The following MYO7B variants were observed in gnomAD, a reference collection of about 807,000 sequenced individuals.
The protein encoded by MYO7B is myosin VIIB, also known as unconventional myosin-VIIb.
A neutral mutation model predicts 259.7 loss-of-function variants in MYO7B; 212 were observed. The observed-to-expected ratio is 0.82, with a 90% CI of 0.73 to 0.91. The LOEUF (loss-of-function observed/expected upper bound fraction) is 0.91, where lower values mean the gene tolerates loss of function less well. MYO7B is among the 40% of genes least tolerant of loss of function. The pLI is 0.00. For missense variants in MYO7B, 2,732 were observed against 2,813.5 expected (o/e 0.97, Z 0.66); for synonymous variants, 1,197 against 1,166.4 (o/e 1.03, Z -0.54).
intron 30 of MYO7B, among the ~76,000 whole-genome samples, chr2:127,624,976 C>T (rs72843378): frequency 6.6e-6 from 1 of 152,320 alleles, no homozygotes; most frequent in Non-Finnish European, 1.5e-5. Context: ...TTTGGTCTTC[C>T]AGAGGGAAGG....
In MYO7B at chr2:127,623,150, T is replaced by G. The variant is rs909053219; in HGVS notation, c.3646-52T>G. ...GGAGGTAGTGGATGGGGGGTTGGCC[T>G]CCTGTCCATAGGTTCCAAGAGGCCA... is the stretch of plus-strand genomic sequence containing the variant. On this transcript the variant is annotated intron_variant, in intron 28 of 47. Transcript: ENST00000409816. 7.4e-5 allele frequency: 118 copies of G among 1,601,066 alleles called. No homozygotes were observed. The Admixed American group carries it at 1.9e-3, about 26-fold the overall frequency.
Position 127,615,719 on chromosome 2 carries a change from T to C in MYO7B, c.3398+3116T>C, listed in dbSNP as rs534970991. 6.6e-6 allele frequency among the ~76,000 whole-genome samples: 1 copy of C among 152,156 alleles called. No individual in the cohort carries two copies. The highest frequency in any genetic ancestry group is 2.4e-5 in the African/African-American group (1 of 41,508). ...GAGAACAGTTTGCTGTTTGCTCATATAGCCTCCAGTGGTATACTAGATCAC... is the reference window on the plus strand; with the variant it reads ...GAGAACAGTTTGCTGTTTGCTCATACAGCCTCCAGTGGTATACTAGATCAC... On this transcript the variant is annotated intron_variant, in intron 26 of 47. Coordinates refer to ENST00000409816, the MANE Select transcript of MYO7B (RefSeq NM_001393586.1). This position sits in a 1 kb window ranked among gnomAD's most constrained non-coding sequence, Gnocchi z 4.4.
intron 26 of MYO7B, 148 bp from the exon 27 acceptor site, chr2:127,620,189 AGAG>A (rs1680772432): frequency 3.6e-6 from 3 of 839,212 alleles, no homozygotes; most frequent in African/African-American, 1.7e-5. Context: ...CTGTCCTGAG[AGAG>A]GAGGAGGCTG....
At chr2:127,625,677 T>TA (rs1354784766) in intron 31 of MYO7B, 142 bp downstream of exon 31, 5 of 954,238 alleles carry the variant, frequency 5.2e-6, no homozygotes, top group Non-Finnish European at 7.3e-6. Context: ...GACAGTTAAG[T>TA]AGAGCCCTGT....
At chr2:127,637,067 C>T (rs1290148079) in intron 47 of MYO7B, 154 bp downstream of exon 47, 1 of 1,329,606 alleles carries the variant, frequency 7.5e-7, no homozygotes. Flanking sequence ...CTGGGTGCAT[C>T]CCCAGGACCA....
intron 24 of MYO7B, among the ~76,000 whole-genome samples, chr2:127,610,721 G>T (rs1235932081): frequency 6.6e-6 from 1 of 152,224 alleles, no homozygotes; most frequent in African/African-American, 2.4e-5. Flanking sequence ...CATGTGCCAG[G>T]TAACCAGCTG....
rs1316730222 is a variant in MYO7B at position 127,636,168 on chromosome 2, T to C, written c.6007-40T>C. Reference sequence around the variant, plus strand: ...GCCCCCACCAGGGCTTTGGAGGGCCTCTGGGCACCCAAGTCCTTACTGGCC... The same window carrying C: ...GCCCCCACCAGGGCTTTGGAGGGCCCCTGGGCACCCAAGTCCTTACTGGCC... On this transcript the variant is annotated intron_variant, in intron 44 of 47. Coordinates refer to ENST00000409816, the MANE Select transcript of MYO7B (RefSeq NM_001393586.1). This position sits in a 1 kb window ranked among gnomAD's most constrained non-coding sequence, Gnocchi z 4.5. 2 of 1,540,804 alleles carry C rather than the reference T, an allele frequency of 1.3e-6. No homozygotes were observed. The highest frequency in any genetic ancestry group is 1.4e-5 in the African/African-American group (1 of 73,362).
At chr2:127,632,454 G>C in intron 39 of MYO7B, 53 bp downstream of exon 39, 1 of 1,492,468 alleles carries the variant, frequency 6.7e-7, no homozygotes, top group South Asian at 1.4e-5. Context: ...GCAGACCTGG[G>C]ATGCTGTGGG....
In MYO7B at chr2:127,559,653, T is replaced by C. The variant is rs908879058; in HGVS notation, c.-23-47T>C. ...AGCTCCTGTGCTCCAGGGGCTCCTA[T>C]TGGGGCTGTGTATGGAGCTGACGTT... is the stretch of plus-strand genomic sequence containing the variant. On this transcript the variant is annotated intron_variant, in intron 1 of 47. Transcript: ENST00000409816. The surrounding 1 kb of genome is among the most constrained non-coding windows in gnomAD (Gnocchi z 4.1). The C allele has an allele frequency of 5.3e-5, 83 of 1,579,110 alleles. No individual in the cohort carries two copies. Among genetic ancestry groups the C allele is most frequent in the Middle Eastern group, 3.4e-4 (2 of 5,954 alleles).
chr2:127,629,831 C>G lies in MYO7B; in HGVS notation c.4806+5C>G. 1 of 1,550,880 alleles carries G rather than the reference C, an allele frequency of 6.4e-7. No homozygotes were observed. Among genetic ancestry groups the G allele is most frequent in the South Asian group, 1.2e-5 (1 of 81,788 alleles). ...AAGCCCTCGGCACAGCTGCTGGTAA[C>G]TGGCACGCTCCCCTGTCCTCAGCCT... is the stretch of plus-strand genomic sequence containing the variant. On this transcript the variant is annotated splice_donor_5th_base_variant and intron_variant, in intron 35 of 47. Coordinates refer to ENST00000409816, the MANE Select transcript of MYO7B (RefSeq NM_001393586.1).
At position 127,566,991 on chromosome 2, in the gene MYO7B, C is replaced by T. The variant is rs112865525; in HGVS notation, c.470+164C>T. ...GTTACCCTGCACCCCGAGCAGTTCC[C>T]CCAAAGCTTCCTTCCTTCAGAACCT... On this transcript the variant is annotated intron_variant, in intron 5 of 47. Coordinates refer to ENST00000409816, the MANE Select transcript of MYO7B (RefSeq NM_001393586.1). Among the ~76,000 whole-genome samples the T allele has an allele frequency of 4.1e-3, 617 of 152,302 alleles. 4 individuals carry two copies. Among genetic ancestry groups the T allele is most frequent in the African/African-American group, 0.014 (568 of 41,556 alleles).
intron 27 of MYO7B, among the ~76,000 whole-genome samples, chr2:127,621,326 C>T (rs949663346): frequency 2.1e-5 from 3 of 144,232 alleles, no homozygotes; most frequent in South Asian, 4.4e-4. Flanking sequence ...TGCAGTGGAG[C>T]GATCTTGGTT....
intron 19 of MYO7B, among the ~76,000 whole-genome samples, chr2:127,604,197 T>G (rs2105014465): frequency 6.6e-6 from 1 of 152,374 alleles, no homozygotes; most frequent in Middle Eastern, 3.4e-3. Context: ...AGCTAGATCT[T>G]CTGGATAACT....
intron 6 of MYO7B, among the ~76,000 whole-genome samples, chr2:127,570,145 A>G (rs1573634785): frequency 6.6e-6 from 1 of 152,194 alleles, no homozygotes; most frequent in East Asian, 1.9e-4. Context: ...ACGGGATTGT[A>G]AGGAATATTC....
At chr2:127,623,602 GC>G (rs1297307304) in intron 29 of MYO7B, among the ~76,000 whole-genome samples, 1 of 152,090 alleles carries the variant, frequency 6.6e-6, no homozygotes, top group Admixed American at 6.5e-5. Flanking sequence ...CTGCGCCTCA[GC>G]CCCAGCAGTG....
At position 127,577,412 on chromosome 2, in the gene MYO7B, T is replaced by C. The variant is rs964588850; in HGVS notation, c.849+704T>C. 6.6e-6 allele frequency among the ~76,000 whole-genome samples: 1 copy of C among 152,188 alleles called. No individual in the cohort carries two copies. The highest frequency in any genetic ancestry group is 1.5e-5 in the Non-Finnish European group (1 of 68,026). On this transcript the variant is annotated intron_variant, in intron 8 of 47. Coordinates refer to ENST00000409816, the MANE Select transcript of MYO7B (RefSeq NM_001393586.1). The surrounding 1 kb of genome is among the most constrained non-coding windows in gnomAD (Gnocchi z 5.2). ...TCCTGTAGGAAGGTTTGCACTGTAGTGTCATGCTTTGGATGGCACTGCTGC... is the reference window on the plus strand; with the variant it reads ...TCCTGTAGGAAGGTTTGCACTGTAGCGTCATGCTTTGGATGGCACTGCTGC...
intron 1 of MYO7B, among the ~76,000 whole-genome samples, chr2:127,544,431 C>T (rs184137250): frequency 9.9e-5 from 15 of 150,982 alleles, no homozygotes; most frequent in South Asian, 4.2e-4. Flanking sequence ...TTTTTTGAGA[C>T]GGAGTCTCAC....
chr2:127,538,900 TCACCTACCA>T (rs1692896924), intron 1 of MYO7B, among the ~76,000 whole-genome samples: 1 of 152,192 alleles, frequency 6.6e-6, no homozygotes, highest in Non-Finnish European at 1.5e-5. Context: ...CTTGACTCAG[TCACCTACCA>T]AATGTGGGGC....
Position 127,620,685 on chromosome 2 carries a change from G to T in MYO7B, c.3525+219G>T, listed in dbSNP as rs566707827. Among the ~76,000 whole-genome samples, 389 of 152,338 alleles carry T rather than the reference G, an allele frequency of 2.6e-3. 1 individual carries two copies. Among genetic ancestry groups the T allele is most frequent in the Non-Finnish European group, 3.6e-3 (247 of 68,030 alleles). ...TGGCTCCTTCCAGCCCCTACGCAGG[G>T]TCTGCAGGGCCATTTCACTTTGGCT... On this transcript the variant is annotated intron_variant, in intron 27 of 47. Transcript: ENST00000409816.
Sources: gnomAD v4.1 joint callset for allele counts (sites outside exome capture counted in the v4.1 genomes callset) on GRCh38, gnomAD v4.1.1 for gene constraint, Gnocchi (gnomAD v3.1) non-coding constraint, MANE v1.5 for transcripts, NCBI Gene and HGNC (gene_info 2026-07-23, HGNC 2026-07-21) for gene names.